The following PRDM6 variants were observed in gnomAD, a reference collection of about 807,000 sequenced individuals.
PRDM6 encodes the protein putative histone-lysine N-methyltransferase PRDM6.
Under a neutral mutation model 60.8 loss-of-function variants are expected in PRDM6, and 25 were observed. That is an observed-to-expected ratio of 0.41 (90% confidence interval 0.30 to 0.57). The LOEUF (loss-of-function observed/expected upper bound fraction) is 0.57, where lower values mean the gene tolerates loss of function less well. PRDM6 is among the 20% of genes least tolerant of loss of function. The pLI is 0.27. For synonymous variants in PRDM6, 407 were observed against 357.4 expected (o/e 1.14, Z -1.57); for missense variants, 839 against 821.3 (o/e 1.02, Z -0.26).
chr5:123,139,280 C>G (rs555644411), intron 3 of PRDM6, among the ~76,000 whole-genome samples: 17 of 152,188 alleles, frequency 1.1e-4, no homozygotes, highest in African/African-American at 3.9e-4. Context: ...ATTAAATTAG[C>G]AGTTCTTTGA....
intron 3 of PRDM6, among the ~76,000 whole-genome samples, chr5:123,145,740 G>C (rs1765224194): frequency 1.3e-5 from 2 of 149,266 alleles, no homozygotes; most frequent in South Asian, 4.3e-4. Flanking sequence ...CTAAAAATAT[G>C]TTTTCTGTCC....
chr5:123,150,033 C>T (rs1374618443), intron 3 of PRDM6, among the ~76,000 whole-genome samples: 1 of 152,170 alleles, frequency 6.6e-6, no homozygotes, highest in African/African-American at 2.4e-5. Context: ...TAGATTATGT[C>T]TAGACTGACG....
At position 123,109,830 on chromosome 5, in the gene PRDM6, A is replaced by ACATC. The variant is rs568138587; in HGVS notation, c.900+9872_900+9875dup. On this transcript the variant is annotated intron_variant, in intron 3 of 7. Coordinates refer to ENST00000407847, the MANE Select transcript of PRDM6 (RefSeq NM_001136239.4). ...ATGAAAATGCGAGAATTACTCAGTA[A>ACATC]CATCCAGAAAAATCATAAGGAAGCC... is the stretch of plus-strand genomic sequence containing the variant. 3.9e-3 allele frequency among the ~76,000 whole-genome samples: 593 copies of ACATC among 152,346 alleles called. 5 individuals are homozygous for ACATC. Among genetic ancestry groups the ACATC allele is most frequent in the African/African-American group, 0.013 (560 of 41,588 alleles).
intron 3 of PRDM6, among the ~76,000 whole-genome samples, chr5:123,110,551 C>T (rs1237075588): frequency 6.8e-6 from 1 of 146,598 alleles, no homozygotes. Flanking sequence ...TGCACCCGGC[C>T]TACTTTTTTT....
At chr5:123,096,181 T>C (rs1218236975) in intron 2 of PRDM6, among the ~76,000 whole-genome samples, 2 of 110 alleles carry the variant, frequency 0.018, no homozygotes, top group Non-Finnish European at 0.043. Flanking sequence ...ACTCTTCCCC[T>C]GATTTTAAGA....
At chr5:123,113,106 G>GT (rs1194364136) in intron 3 of PRDM6, among the ~76,000 whole-genome samples, 11 of 151,824 alleles carry the variant, frequency 7.2e-5, no homozygotes, top group Admixed American at 3.3e-4. Context: ...TTCCCCACTA[G>GT]TTTTTTTTCT....
intron 3 of PRDM6, among the ~76,000 whole-genome samples, chr5:123,155,540 G>A (rs1490623308): frequency 5.3e-5 from 8 of 151,900 alleles, no homozygotes; most frequent in Admixed American, 3.9e-4. Context: ...ATGTCAGTGC[G>A]GCCTCTCCTT....
At chr5:123,151,387 A>C (rs1765366116) in intron 3 of PRDM6, among the ~76,000 whole-genome samples, 1 of 152,144 alleles carries the variant, frequency 6.6e-6, no homozygotes, top group South Asian at 2.1e-4. Flanking sequence ...TTGTAATTCA[A>C]GTTCCTTTTG....
chr5:123,106,374 G>T (rs1019140138), intron 3 of PRDM6, among the ~76,000 whole-genome samples: 5 of 152,214 alleles, frequency 3.3e-5, no homozygotes, highest in African/African-American at 1.2e-4. Context: ...TTGATGTGAT[G>T]CACAATCCGG....
chr5:123,121,327 CTGTT>C (rs1764576417), intron 3 of PRDM6, among the ~76,000 whole-genome samples: 1 of 152,122 alleles, frequency 6.6e-6, no homozygotes, highest in Non-Finnish European at 1.5e-5. Flanking sequence ...CTTGTTTTCT[CTGTT>C]TGCTCCAACT....
At chr5:123,150,242 A>G (rs970741522) in intron 3 of PRDM6, among the ~76,000 whole-genome samples, 3 of 152,128 alleles carry the variant, frequency 2.0e-5, no homozygotes, top group Non-Finnish European at 2.9e-5. Flanking sequence ...AGGTTAAATA[A>G]CTGACCAAAA....
At chr5:123,093,796 G>T (rs1160008114) in intron 2 of PRDM6, among the ~76,000 whole-genome samples, 9 of 152,154 alleles carry the variant, frequency 5.9e-5, no homozygotes, top group Admixed American at 5.9e-4. Flanking sequence ...GTCACAGGGC[G>T]CGCCTGGCGT....
At chr5:123,126,550 A>G (rs937021419) in intron 3 of PRDM6, among the ~76,000 whole-genome samples, 2 of 152,204 alleles carry the variant, frequency 1.3e-5, no homozygotes, top group African/African-American at 4.8e-5. Flanking sequence ...ACCACCATAC[A>G]TACCTGGGTT....
At chr5:123,163,060 G>A (rs1765672801) in intron 5 of PRDM6, among the ~76,000 whole-genome samples, 1 of 145,806 alleles carries the variant, frequency 6.9e-6, no homozygotes, top group Non-Finnish European at 1.5e-5. Flanking sequence ...AATAAATTAG[G>A]TACCTAAAAA....
At position 123,099,670 on chromosome 5, in the gene PRDM6, G is replaced by A; in HGVS notation, c.609G>A (p.Ala203=). Residue 203 remains alanine (A), a synonymous_variant, in exon 3 of 8, where the codon GCG becomes GCA. Coordinates refer to ENST00000407847, the MANE Select transcript of PRDM6 (RefSeq NM_001136239.4). The surrounding 1 kb of genome is among the most constrained non-coding windows in gnomAD (Gnocchi z 4.0). Reference sequence around the variant, plus strand: ...CTCCCGCAGGTTGCGACATGTGCGCGGACAACCGCAACGGCGAGTGCCCTA... The same window carrying A: ...CTCCCGCAGGTTGCGACATGTGCGCAGACAACCGCAACGGCGAGTGCCCTA... The part of the protein sequence containing the change: ...SDPNNRCDMC[A]DNRNGECPMH... 6.8e-7 allele frequency: 1 copy of A among 1,462,188 alleles called. No homozygotes were observed. The highest frequency in any genetic ancestry group is 1.4e-5 in the African/African-American group (1 of 69,308). The allele number at this position is 1,462,188 out of a possible 1,614,324, so 90.6% of individuals were successfully genotyped here. A position where few individuals can be genotyped will look rare whatever the true frequency, so the allele number is the denominator to read the frequency against.
intron 3 of PRDM6, among the ~76,000 whole-genome samples, chr5:123,123,041 T>C (rs1250819032): frequency 6.6e-6 from 1 of 152,190 alleles, no homozygotes; most frequent in East Asian, 1.9e-4. Context: ...TTTATTGGTA[T>C]AAATTTTTTA....
intron 3 of PRDM6, among the ~76,000 whole-genome samples, chr5:123,132,670 A>G (rs925126404): frequency 2.0e-5 from 3 of 152,166 alleles, no homozygotes; most frequent in East Asian, 1.9e-4. Flanking sequence ...TCCAAGTATG[A>G]TTTCTAACAT....
intron 3 of PRDM6, among the ~76,000 whole-genome samples, chr5:123,137,785 T>G (rs1481666726): frequency 1.4e-5 from 1 of 70,530 alleles, no homozygotes; most frequent in East Asian, 3.2e-4. Context: ...ATTTAAAGTA[T>G]AATAAAAATA....
chr5:123,122,251 A>ACAT (rs891412021), intron 3 of PRDM6, among the ~76,000 whole-genome samples: 3 of 151,910 alleles, frequency 2.0e-5, no homozygotes, highest in African/African-American at 4.8e-5. Context: ...CTGATGGCAG[A>ACAT]CATTTTATAA....
Sources: allele counts gnomAD v4.1 joint callset (sites outside exome capture counted in the v4.1 genomes callset), GRCh38; gene constraint gnomAD v4.1.1; non-coding constraint Gnocchi (gnomAD v3.1); transcripts MANE v1.5; gene names NCBI Gene and HGNC (gene_info 2026-07-23, HGNC 2026-07-21).